The following FANCL variants were observed in gnomAD, a reference collection of about 807,000 sequenced individuals.
FANCL encodes FA complementation group L.
In FANCL, 69 loss-of-function variants were observed where a neutral mutation model predicts 59.4. That is an observed-to-expected ratio of 1.16 (90% CI 0.96 to 1.42). FANCL has a LOEUF of 1.42. Among genes scored for constraint, FANCL ranks in the 40% most tolerant of loss-of-function variants. The pLI is 0.00. For missense variants in FANCL, 519 were observed against 447.2 expected (o/e 1.16, Z -1.45); for synonymous variants, 180 against 147.1 (o/e 1.22, Z -1.62).
intron 7 of FANCL, among the ~76,000 whole-genome samples, chr2:58,188,181 C>CGTTT (rs1299131166): frequency 6.6e-6 from 1 of 152,128 alleles, no homozygotes; most frequent in Non-Finnish European, 1.5e-5. Context: ...CTCCACTAAA[C>CGTTT]TATCTTTGTA....
intron 5 of FANCL, among the ~76,000 whole-genome samples, chr2:58,215,063 T>C (rs1443266865): frequency 1.3e-5 from 2 of 152,198 alleles, no homozygotes; most frequent in African/African-American, 2.4e-5. Context: ...TGACAAACCC[T>C]TTCTACATTT....
chr2:58,196,999 T>C (rs774257449), intron 7 of FANCL, among the ~76,000 whole-genome samples: 2 of 151,732 alleles, frequency 1.3e-5, no homozygotes, highest in Non-Finnish European at 2.9e-5. Flanking sequence ...AAGAAAGCTA[T>C]AAAATTTATG....
rs751865450 is a variant in FANCL, at chr2:58,222,069, A to G, written c.274-27T>C. Reference sequence around the variant, plus strand: ...TGTTTAAAAGAAGAAAACCTGAATTAGCTGTGGAACGCAAGACAATGAACT... The same window carrying G: ...TGTTTAAAAGAAGAAAACCTGAATTGGCTGTGGAACGCAAGACAATGAACT... On this transcript the variant is annotated intron_variant, in intron 4 of 13. Coordinates refer to ENST00000233741, the MANE Select transcript of FANCL (RefSeq NM_018062.4). 7.9e-6 allele frequency: 12 copies of G among 1,523,952 alleles called. No individual in the cohort carries two copies. The South Asian group carries it at 1.3e-4, about 17-fold the overall frequency. The allele number at this position is 1,523,952 out of a possible 1,614,324, so 94.4% of individuals were successfully genotyped here.
At chr2:58,172,803 T>C (rs368409823) in intron 7 of FANCL, among the ~76,000 whole-genome samples, 3 of 151,822 alleles carry the variant, frequency 2.0e-5, no homozygotes, top group Admixed American at 6.6e-5. Context: ...CTTTGACGAG[T>C]TGAGAGAAGA....
chr2:58,207,798 C>T (rs147857359), intron 5 of FANCL, among the ~76,000 whole-genome samples: 6 of 152,236 alleles, frequency 3.9e-5, no homozygotes, highest in African/African-American at 1.4e-4. Flanking sequence ...ATGACTCATG[C>T]CTATAATCCC....
At chr2:58,216,595 T>C (rs1413854705) in intron 5 of FANCL, among the ~76,000 whole-genome samples, 2 of 152,240 alleles carry the variant, frequency 1.3e-5, no homozygotes, top group African/African-American at 4.8e-5. Context: ...ATTTCAATTC[T>C]GTATTGAATC....
Position 58,241,298 on chromosome 2 carries a change from C to T in FANCL, c.16G>A (p.Ala6Thr). Residue 6 changes from alanine to threonine, a missense_variant, in exon 1 of 14, where the codon GCG becomes ACG. Coordinates refer to ENST00000233741, the MANE Select transcript of FANCL (RefSeq NM_018062.4). MAVTE[A>T]SLLRQCPLLL... ...AGGGGGCACTGGCGCAACAGGCTCG[C>T]TTCCGTCACCGCCATGGCTCGAAGT... 2 of 1,614,232 alleles carry T rather than the reference C, an allele frequency of 1.2e-6. No homozygotes were observed. The highest frequency in any genetic ancestry group is 1.7e-6 in the Non-Finnish European group (2 of 1,180,042).
chr2:58,184,681 C>T (rs1688237059), intron 7 of FANCL, among the ~76,000 whole-genome samples: 2 of 151,996 alleles, frequency 1.3e-5, no homozygotes, highest in African/African-American at 4.8e-5. Flanking sequence ...AGGCTGCATG[C>T]CCCAAAAGCA....
rs750050199 is a variant in FANCL at position 58,163,040 on chromosome 2, G to T, written c.810C>A (p.Asn270Lys). Residue 270 changes from asparagine (N) to lysine (K), a missense_variant, in exon 10 of 14, where the codon AAC (asparagine) becomes AAA (lysine). Coordinates refer to ENST00000233741, the MANE Select transcript of FANCL (RefSeq NM_018062.4). ...GCCAAGGTACCTACCACAAATGTAT[G>T]TTCCTGCTCAGCTTAATTCCCAGGG... The part of the protein sequence containing the change: ...VKPLGIKLSR[N>K]IHLWDPENSV... 1.9e-5 allele frequency: 30 copies of T among 1,612,232 alleles called. No individual in the cohort carries two copies. Among genetic ancestry groups the T allele is most frequent in the African/African-American group, 2.7e-5 (2 of 74,658 alleles).
At chr2:58,228,071 A>ATT (rs11461396) in intron 3 of FANCL, among the ~76,000 whole-genome samples, 4 of 151,478 alleles carry the variant, frequency 2.6e-5, no homozygotes, top group East Asian at 1.9e-4. Context: ...CAATATGGTC[A>ATT]TTTTTTTTAT....
At chr2:58,190,209 C>T (rs1190900335) in intron 7 of FANCL, among the ~76,000 whole-genome samples, 1 of 151,904 alleles carries the variant, frequency 6.6e-6, no homozygotes, top group African/African-American at 2.4e-5. Flanking sequence ...CTCTTCTATA[C>T]TTAAGTTATT....
At chr2:58,202,029 CTT>C (rs1301710297) in intron 6 of FANCL, among the ~76,000 whole-genome samples, 6 of 151,578 alleles carry the variant, frequency 4.0e-5, no homozygotes, top group African/African-American at 4.8e-5. Context: ...ATAATATACT[CTT>C]AACATACAGT....
chr2:58,209,218 T>C (rs1293832599), intron 5 of FANCL, among the ~76,000 whole-genome samples: 2 of 152,222 alleles, frequency 1.3e-5, no homozygotes, highest in Admixed American at 6.5e-5. Context: ...TATATTCCTA[T>C]GTATGTGTCA....
intron 6 of FANCL, among the ~76,000 whole-genome samples, chr2:58,199,145 T>G (rs927274933): frequency 6.6e-6 from 1 of 152,180 alleles, no homozygotes; most frequent in South Asian, 2.1e-4. Context: ...GAAGAGCTTA[T>G]TTATAGTCAA....
intron 5 of FANCL, among the ~76,000 whole-genome samples, chr2:58,210,464 A>T (rs1249762421): frequency 2.0e-5 from 3 of 152,136 alleles, no homozygotes; most frequent in Non-Finnish European, 4.4e-5. Flanking sequence ...TCAAGATGAG[A>T]CTTGGGTAGG....
At chr2:58,218,948 T>C (rs1479553224) in intron 5 of FANCL, among the ~76,000 whole-genome samples, 1 of 150,692 alleles carries the variant, frequency 6.6e-6, no homozygotes, top group East Asian at 1.9e-4. Flanking sequence ...CACATTTGTT[T>C]TCCATTTTTC....
chr2:58,187,692 A>C (rs1053237861), intron 7 of FANCL, among the ~76,000 whole-genome samples: 1 of 152,186 alleles, frequency 6.6e-6, no homozygotes, highest in African/African-American at 2.4e-5. Context: ...TATATTTTGA[A>C]AACTTTTTAC....
rs184861957 is a variant in FANCL, at chr2:58,181,310, A to G, written c.541-15436T>C. 2.6e-4 allele frequency among the ~76,000 whole-genome samples: 39 copies of G among 152,192 alleles called. No homozygotes were observed. In the East Asian group the frequency reaches 7.5e-3, roughly 29 times the overall value. ...TAAGCCTATGTAGGAAAGAGTACAT[A>G]CTGTATGCCTCTGTTTATAATATCT... is the stretch of plus-strand genomic sequence containing the variant. On this transcript the variant is annotated intron_variant, in intron 7 of 13. Transcript: ENST00000233741.
At chr2:58,220,670 T>A (rs1185757090) in intron 5 of FANCL, among the ~76,000 whole-genome samples, 1 of 152,210 alleles carries the variant, frequency 6.6e-6, no homozygotes, top group African/African-American at 2.4e-5. Context: ...TGTTCCTTGT[T>A]CTCTTTTAAA....
Sources: gnomAD v4.1 joint callset for allele counts (sites outside exome capture counted in the v4.1 genomes callset) on GRCh38, gnomAD v4.1.1 for gene constraint, MANE v1.5 for transcripts, NCBI Gene and HGNC (gene_info 2026-07-23, HGNC 2026-07-21) for gene names.